Variants in CDH3 observed in about 807,000 individuals in gnomAD.
CDH3 encodes the protein cadherin-3.
CDH3 carries 54 observed loss-of-function variants against 82.0 expected under a neutral mutation model. The ratio of observed to expected loss-of-function variants is 0.66; its 90% CI spans 0.53 to 0.83. The LOEUF is 0.83. Among genes scored for constraint, CDH3 ranks in the 40% least tolerant of loss-of-function variants. CDH3 has a pLI of 0.00. For synonymous variants in CDH3, 446 were observed against 437.9 expected, an observed-to-expected ratio of 1.02 and a Z score of -0.23; for missense variants, 1,054 against 1,084.6, an observed-to-expected ratio of 0.97 and a Z score of 0.40.
rs892419384 is a variant in CDH3 at position 68,707,826 on chromosome 16, C to T, written c.99+11903C>T. On this transcript the variant is annotated intron_variant, in intron 1 of 2. Coordinates refer to the CDH3 transcript ENST00000569080. This position sits in a 1 kb window ranked among gnomAD's most constrained non-coding sequence, Gnocchi z 4.5. The stretch of plus-strand genomic sequence containing the variant: ...TTCCCTGTACCCACTGCCCAGCAAG[C>T]GGCAGGGGTGTGGCGGGCCGGGGAG... Among the ~76,000 whole-genome samples the T allele has an allele frequency of 2.0e-5, 3 of 150,576 alleles. No homozygotes were observed. The highest frequency in any genetic ancestry group is 2.1e-4 in the South Asian group (1 of 4,744).
At chr16:68,682,513 T>A in intron 9 of CDH3, 26 bp downstream of exon 9, 1 of 1,608,464 alleles carries the variant, frequency 6.2e-7, no homozygotes, top group Non-Finnish European at 8.5e-7. Context: ...CCTCAGACAA[T>A]GGCTATACCT....
In CDH3 at chr16:68,684,796, G is replaced by T. The variant is rs1364520577; in HGVS notation, c.1396G>T (p.Asp466Tyr). The T allele has an allele frequency of 7.4e-6, 12 of 1,614,078 alleles. No homozygotes were observed. The highest frequency in any genetic ancestry group is 1.3e-5 in the African/African-American group (1 of 74,928). The change falls in exon 10 of 16, where the codon GAC (aspartate) becomes TAC (tyrosine). Residue 466 changes from aspartate (D) to tyrosine (Y), a missense_variant. Asp to Tyr is a radical substitution (Grantham distance 160). Coordinates refer to ENST00000264012, the MANE Select transcript of CDH3 (RefSeq NM_001793.6). ...GEPVCVYTAE[D>Y]PDKENQKISY... ...GCCTGTGTGTGTCTACACTGCAGAA[G>T]ACCCTGACAAGGAGAATCAAAAGAT... is the stretch of plus-strand genomic sequence containing the variant.
chr16:68,717,837 G>A (rs1962112684), intron 1 of CDH3, among the ~76,000 whole-genome samples: 1 of 151,722 alleles, frequency 6.6e-6, no homozygotes, highest in South Asian at 2.1e-4. Flanking sequence ...CTTTCTCAGA[G>A]ACTGGGTTAT....
chr16:68,726,885 T>C (rs370613877), intron 2 of CDH3, among the ~76,000 whole-genome samples: 2 of 152,246 alleles, frequency 1.3e-5, no homozygotes, highest in South Asian at 2.1e-4. Flanking sequence ...GCCCCAGCTG[T>C]GTCATTTTTA....
chr16:68,704,209 C>G (rs1335851439), downstream of CDH3, among the ~76,000 whole-genome samples: 2 of 151,866 alleles, frequency 1.3e-5, no homozygotes, highest in Non-Finnish European at 2.9e-5. Context: ...ATGGCGTGAA[C>G]CCGGGAGGCA....
chr16:68,685,294 A>G lies in CDH3; in HGVS notation c.1514A>G (p.Asp505Gly), dbSNP rs1961375934. Residue 505 changes from aspartate (D) to glycine (G), a missense_variant, in exon 11 of 16, where the codon GAT becomes GGT. Physicochemically the swap from Asp to Gly is moderately conservative, Grantham distance 94 (BLOSUM62 -1). Coordinates refer to ENST00000264012, the MANE Select transcript of CDH3 (RefSeq NM_001793.6). ...GCTGTGGGCACCCTCGACCGTGAGGATGAGCAGTTTGTGAGGAACAACATC... is the reference window on the plus strand; with the variant it reads ...GCTGTGGGCACCCTCGACCGTGAGGGTGAGCAGTTTGTGAGGAACAACATC... ...VTAVGTLDRE[D>G]EQFVRNNIYE... The G allele has an allele frequency of 6.2e-7, 1 of 1,614,156 alleles. No homozygotes were observed. Among genetic ancestry groups the G allele is most frequent in the Non-Finnish European group, 8.5e-7 (1 of 1,180,010 alleles).
At chr16:68,681,324 A>T (rs890019847) in intron 8 of CDH3, among the ~76,000 whole-genome samples, 1 of 152,212 alleles carries the variant, frequency 6.6e-6, no homozygotes, top group African/African-American at 2.4e-5. Flanking sequence ...GAAATAATCT[A>T]TGTACGTTTC....
At position 68,645,423 on chromosome 16, in the gene CDH3, A is replaced by G; in HGVS notation, c.44A>G (p.Gln15Arg). 6.2e-7 allele frequency: 1 copy of G among 1,613,158 alleles called. No homozygotes were observed. The highest frequency in any genetic ancestry group is 8.5e-7 in the Non-Finnish European group (1 of 1,179,670). ...RGPLASLLLLQVCWLQCAASE... is the reference protein window; with the variant it reads ...RGPLASLLLLRVCWLQCAASE... Reference sequence around the variant, plus strand: ...CCTCTCGCGTCTCTCCTCCTTCTCCAGGTACTCCACAGCCTCGCCGTGGCC... The same window carrying G: ...CCTCTCGCGTCTCTCCTCCTTCTCCGGGTACTCCACAGCCTCGCCGTGGCC... The change falls in exon 1 of 16, where the codon CAG (glutamine) becomes CGG (arginine). Residue 15 changes from glutamine (Q) to arginine (R), a missense_variant and splice_region_variant. Physicochemically the swap from Gln to Arg is conservative, Grantham distance 43. Coordinates refer to ENST00000264012, the MANE Select transcript of CDH3 (RefSeq NM_001793.6).
chr16:68,667,430 T>C (rs1187762688), intron 2 of CDH3, among the ~76,000 whole-genome samples: 5 of 152,110 alleles, frequency 3.3e-5, no homozygotes, highest in Non-Finnish European at 5.9e-5. Flanking sequence ...AGTAGGGAAA[T>C]TGGTGGAGAG....
At chr16:68,645,917 G>A (rs1960045747) in intron 2 of CDH3, 167 bp downstream of exon 2, 1 of 608,404 alleles carries the variant, frequency 1.6e-6, no homozygotes, top group Non-Finnish European at 2.9e-6. Flanking sequence ...GGTGGCTGAC[G>A]GAGAAGGCTG....
At chr16:68,667,608 C>G (rs1446941903) in intron 2 of CDH3, among the ~76,000 whole-genome samples, 1 of 152,166 alleles carries the variant, frequency 6.6e-6, no homozygotes, top group African/African-American at 2.4e-5. Context: ...CAAATTCCAA[C>G]CTAAAAGCAG....
At chr16:68,656,398 C>G (rs1960412016) in intron 2 of CDH3, among the ~76,000 whole-genome samples, 1 of 152,134 alleles carries the variant, frequency 6.6e-6, no homozygotes. Context: ...CCTGGCATTG[C>G]CAACCCAGGC....
intron 1 of CDH3, 94 bp downstream of exon 1, chr16:68,645,518 G>A: frequency 6.8e-7 from 1 of 1,479,020 alleles, no homozygotes; most frequent in Non-Finnish European, 9.2e-7. Context: ...AGAGCGCGGG[G>A]CTGCGCTCCC....
Position 68,698,584 on chromosome 16 carries a change from G to C in CDH3, c.*184G>C. 1 of 615,520 alleles carries C rather than the reference G, an allele frequency of 1.6e-6. No individual in the cohort carries two copies. The highest frequency in any genetic ancestry group is 2.9e-6 in the Non-Finnish European group (1 of 348,810). 38.1% of individuals were successfully genotyped at this position (615,520 alleles called of 1,614,324 possible). A position where few individuals can be genotyped will look rare whatever the true frequency, so the allele number is the denominator to read the frequency against. On this transcript the variant is annotated 3_prime_UTR_variant, in exon 16 of 16. Coordinates refer to ENST00000264012, the MANE Select transcript of CDH3 (RefSeq NM_001793.6). ...CCTTAGCCTTTCAGGATGGAGGAATGTGGGCAGTTTGACTTCAGCACTGAA... is the reference window on the plus strand; with the variant it reads ...CCTTAGCCTTTCAGGATGGAGGAATCTGGGCAGTTTGACTTCAGCACTGAA...
chr16:68,684,714 T>A lies in CDH3; in HGVS notation c.1314T>A (p.Pro438=), dbSNP rs1319522374. The A allele has an allele frequency of 1.9e-6, 3 of 1,614,092 alleles. No homozygotes were observed. Among genetic ancestry groups the A allele is most frequent in the Non-Finnish European group, 2.5e-6 (3 of 1,180,048 alleles). ...VVHVEDVNEA[P]VFVPPSKVVE... ...ACGTGGAGGATGTGAATGAGGCACC[T>A]GTGTTTGTCCCACCCTCCAAAGTCG... The change falls in exon 10 of 16, where the codon CCT becomes CCA. Residue 438 remains proline (P), a synonymous_variant. Transcript: ENST00000264012.
chr16:68,703,819 T>C, downstream of CDH3, among the ~76,000 whole-genome samples: 1 of 152,034 alleles, frequency 6.6e-6, no homozygotes, highest in Non-Finnish European at 1.5e-5. Context: ...TGGTGGTGCG[T>C]GCCTGTAATC....
In CDH3 at chr16:68,694,257, G is replaced by A. The variant is rs182795494; in HGVS notation, c.2003-998G>A. Among the ~76,000 whole-genome samples the A allele has an allele frequency of 2.0e-5, 3 of 146,656 alleles. No individual in the cohort carries two copies. In the Admixed American group the frequency reaches 2.1e-4, roughly 10 times the overall value. On this transcript the variant is annotated intron_variant, in intron 13 of 15. Coordinates refer to ENST00000264012, the MANE Select transcript of CDH3 (RefSeq NM_001793.6). ...GAACCTGGGAGGCAGAGGTTGCAGT[G>A]AGCCAAGATCCTGACACTGCACTCC... is the stretch of plus-strand genomic sequence containing the variant.
In CDH3 at chr16:68,695,248, C is replaced by G. The variant is rs761155432; in HGVS notation, c.2003-7C>G. On this transcript the variant is annotated splice_polypyrimidine_tract_variant and splice_region_variant and intron_variant, in intron 13 of 15. Coordinates refer to ENST00000264012, the MANE Select transcript of CDH3 (RefSeq NM_001793.6). ...GAGGGAGCACTCACACTCCCCAACC[C>G]TTGCAGTCCTCCTGCTGGTGCTGCT... The G allele has an allele frequency of 6.2e-7, 1 of 1,614,144 alleles. No individual in the cohort carries two copies. The highest frequency in any genetic ancestry group is 1.7e-5 in the Admixed American group (1 of 60,014).
intron 4 of CDH3, 49 bp downstream of exon 4, chr16:68,678,326 C>T: frequency 1.2e-6 from 2 of 1,606,642 alleles, no homozygotes; most frequent in Non-Finnish European, 1.7e-6. Context: ...CAGGGACCCC[C>T]ATCCAAAGGC....
Sources: gnomAD v4.1 joint callset for allele counts (sites outside exome capture counted in the v4.1 genomes callset) on GRCh38, gnomAD v4.1.1 for gene constraint, Gnocchi (gnomAD v3.1) non-coding constraint, MANE v1.5 for transcripts, NCBI Gene and HGNC (gene_info 2026-07-23, HGNC 2026-07-21) for gene names.